Variants in ATP2B2 observed in about 807,000 individuals in gnomAD.
ATP2B2 encodes plasma membrane calcium-transporting ATPase 2.
A neutral mutation model predicts 120.0 loss-of-function variants in ATP2B2; 15 were observed. That is an observed-to-expected ratio of 0.12 (90% CI 0.08 to 0.19). The LOEUF (loss-of-function observed/expected upper bound fraction) is 0.19. ATP2B2 is among the 10% of genes least tolerant of loss of function. The pLI, the probability that ATP2B2 is intolerant of heterozygous loss-of-function variation, is 1.00. For missense variants in ATP2B2, 1,045 were observed against 1,719.8 expected (o/e 0.61, Z 6.94); for synonymous variants, 694 against 700.3 (o/e 0.99, Z 0.14).
intron 2 of ATP2B2, among the ~76,000 whole-genome samples, chr3:10,606,565 C>A (rs1011710168): frequency 3.3e-5 from 5 of 152,128 alleles, no homozygotes; most frequent in African/African-American, 1.2e-4. Context: ...AGTTCCCTTA[C>A]TTAGTTAACT....
At chr3:10,694,529 G>T (rs2071713586) in intron 1 of ATP2B2, among the ~76,000 whole-genome samples, 1 of 152,188 alleles carries the variant, frequency 6.6e-6, no homozygotes, top group African/African-American at 2.4e-5. Flanking sequence ...GGGGTGGATG[G>T]ACCACAGCTG....
At chr3:10,403,430 A>C (rs2062297396) in intron 3 of ATP2B2, among the ~76,000 whole-genome samples, 1 of 152,238 alleles carries the variant, frequency 6.6e-6, no homozygotes, top group Admixed American at 6.5e-5. Context: ...GAACCTAGGC[A>C]CATCTGATCT....
chr3:10,495,989 G>C (rs2066132020), intron 1 of ATP2B2, among the ~76,000 whole-genome samples: 5 of 152,298 alleles, frequency 3.3e-5, no homozygotes, highest in Admixed American at 3.3e-4. Context: ...CCGACAAACA[G>C]CCTGGTCCAC....
At chr3:10,438,311 T>C (rs2063542729) in intron 2 of ATP2B2, among the ~76,000 whole-genome samples, 1 of 152,226 alleles carries the variant, frequency 6.6e-6, no homozygotes. Context: ...GAACACTCCA[T>C]TCTGCTGTTC....
At chr3:10,383,062 T>C (rs1394814095) in intron 8 of ATP2B2, among the ~76,000 whole-genome samples, 2 of 150,624 alleles carry the variant, frequency 1.3e-5, no homozygotes, top group African/African-American at 2.4e-5. Flanking sequence ...TTTTTTAATT[T>C]TTTAATTTTA....
At chr3:10,461,734 C>A (rs11921159) in intron 1 of ATP2B2, among the ~76,000 whole-genome samples, 3 of 152,204 alleles carry the variant, frequency 2.0e-5, no homozygotes, top group African/African-American at 4.8e-5. Context: ...GGCTTCCTTC[C>A]TCTTGTAGCC....
chr3:10,696,533 G>A (rs922909997), intron 1 of ATP2B2, among the ~76,000 whole-genome samples: 2 of 152,116 alleles, frequency 1.3e-5, no homozygotes, highest in African/African-American at 2.4e-5. Flanking sequence ...CAGGGTTTCC[G>A]CAGCTGCCTG....
At chr3:10,681,447 G>A (rs2071381729) in intron 1 of ATP2B2, among the ~76,000 whole-genome samples, 1 of 152,204 alleles carries the variant, frequency 6.6e-6, no homozygotes, top group Non-Finnish European at 1.5e-5. Flanking sequence ...GCAGACAAAT[G>A]TCTCCCCATT....
intron 2 of ATP2B2, among the ~76,000 whole-genome samples, chr3:10,611,161 C>T (rs1212211910): frequency 3.9e-5 from 6 of 152,212 alleles, no homozygotes; most frequent in African/African-American, 1.4e-4. Context: ...TCCCACCACT[C>T]CTGAATGAGG....
chr3:10,551,353 T>G (rs555763354), intron 2 of ATP2B2, among the ~76,000 whole-genome samples: 46 of 152,330 alleles, frequency 3.0e-4, no homozygotes, highest in African/African-American at 1.1e-3. Context: ...TGAATGGACG[T>G]GCCGATTATC....
chr3:10,606,320 T>C (rs915357315), intron 2 of ATP2B2, among the ~76,000 whole-genome samples: 5 of 152,024 alleles, frequency 3.3e-5, no homozygotes, highest in African/African-American at 4.8e-5. Flanking sequence ...CCAGAGTGTA[T>C]GTGAGAGGAG....
intron 3 of ATP2B2, among the ~76,000 whole-genome samples, chr3:10,528,085 C>T (rs2067136697): frequency 1.3e-5 from 2 of 152,134 alleles, no homozygotes; most frequent in Admixed American, 6.5e-5. Context: ...AACTCTGTAC[C>T]CCTGGCTTCT....
At chr3:10,483,892 G>A (rs2065516566) in intron 1 of ATP2B2, among the ~76,000 whole-genome samples, 1 of 152,138 alleles carries the variant, frequency 6.6e-6, no homozygotes, top group South Asian at 2.1e-4. Flanking sequence ...CCGGCACAGG[G>A]CCGGGCACCC....
At chr3:10,585,011 T>TTCC (rs1415687074) in intron 2 of ATP2B2, among the ~76,000 whole-genome samples, 2 of 152,114 alleles carry the variant, frequency 1.3e-5, no homozygotes, top group Non-Finnish European at 2.9e-5. Flanking sequence ...ATTGGATCTC[T>TTCC]TCCTCCTCCT....
chr3:10,375,448 C>G lies in ATP2B2; in HGVS notation c.1398G>C (p.Ser466=), dbSNP rs199701793. The change falls in exon 11 of 23, where the codon TCG becomes TCC. Residue 466 remains serine, a synonymous_variant. Coordinates refer to ENST00000360273, the MANE Select transcript of ATP2B2 (RefSeq NM_001001331.4). The surrounding 1 kb of genome is among the most constrained non-coding windows in gnomAD (Gnocchi z 4.2). Reference sequence around the variant, plus strand: ...CTCTCACCTTCACCGAATAGGCCAACGAGATGGTGACGGCCAGAGGGAGCC... The same window carrying G: ...CTCTCACCTTCACCGAATAGGCCAAGGAGATGGTGACGGCCAGAGGGAGCC... ...PEGLPLAVTI[S]LAYSVKKMMK... The G allele has an allele frequency of 6.2e-7, 1 of 1,612,640 alleles. No individual in the cohort carries two copies. The highest frequency in any genetic ancestry group is 1.7e-5 in the Admixed American group (1 of 60,020).
chr3:10,618,398 C>T (rs775787500), intron 2 of ATP2B2, among the ~76,000 whole-genome samples: 9 of 152,192 alleles, frequency 5.9e-5, no homozygotes, highest in Non-Finnish European at 1.2e-4. Context: ...CACTGAGCCC[C>T]AGGCATGAAC....
intron 1 of ATP2B2, among the ~76,000 whole-genome samples, chr3:10,459,053 T>C (rs2064378580): frequency 6.6e-6 from 1 of 152,188 alleles, no homozygotes; most frequent in African/African-American, 2.4e-5. Flanking sequence ...CTGCCTTGTG[T>C]CTAGCAGAAA....
intron 3 of ATP2B2, among the ~76,000 whole-genome samples, chr3:10,522,399 T>C (rs1395091617): frequency 6.6e-6 from 1 of 152,200 alleles, no homozygotes; most frequent in East Asian, 1.9e-4. Context: ...TCTGTTTGAC[T>C]GCACAGCCTG....
At chr3:10,382,620 G>C (rs866305633) in intron 8 of ATP2B2, among the ~76,000 whole-genome samples, 8 of 151,718 alleles carry the variant, frequency 5.3e-5, no homozygotes, top group Admixed American at 2.0e-4. Context: ...GCCTCCCAAA[G>C]TGCTGGGATT....
Sources: gnomAD v4.1 joint callset for allele counts (sites outside exome capture counted in the v4.1 genomes callset) on GRCh38, gnomAD v4.1.1 for gene constraint, Gnocchi (gnomAD v3.1) non-coding constraint, MANE v1.5 for transcripts, NCBI Gene and HGNC (gene_info 2026-07-23, HGNC 2026-07-21) for gene names.